Variants in ANKRD55 observed in about 807,000 individuals in gnomAD.
The protein encoded by ANKRD55 is ankyrin repeat domain 55.
ANKRD55 carries 41 observed loss-of-function variants against 60.6 expected under a neutral mutation model. The observed-to-expected ratio is 0.68, with a 90% CI of 0.53 to 0.88. ANKRD55 has a LOEUF of 0.88. Among genes scored for constraint, ANKRD55 ranks in the 40% least tolerant of loss-of-function variants. The pLI is 0.00. For missense variants in ANKRD55, 732 were observed against 767.6 expected (o/e 0.95, Z 0.55); for synonymous variants, 264 against 290.3 (o/e 0.91, Z 0.92).
chr5:56,199,496 T>A (rs1436138235), intron 2 of ANKRD55, among the ~76,000 whole-genome samples: 9 of 152,132 alleles, frequency 5.9e-5, no homozygotes, highest in African/African-American at 2.2e-4. Flanking sequence ...CAGAAAAATG[T>A]ATTTTTAAAT....
chr5:56,154,425 GC>G (rs1758141432), intron 6 of ANKRD55, among the ~76,000 whole-genome samples: 1 of 152,078 alleles, frequency 6.6e-6, no homozygotes, highest in Non-Finnish European at 1.5e-5. Flanking sequence ...GAAAGCCTGG[GC>G]TGTGTTCTTT....
intron 10 of ANKRD55, among the ~76,000 whole-genome samples, chr5:56,108,917 A>G (rs1580937581): frequency 6.6e-6 from 1 of 152,100 alleles, no homozygotes; most frequent in Non-Finnish European, 1.5e-5. Flanking sequence ...CATGCCTGTA[A>G]TCCCAGCTAC....
intron 8 of ANKRD55, among the ~76,000 whole-genome samples, chr5:56,124,558 A>G (rs968951457): frequency 2.0e-5 from 3 of 152,072 alleles, no homozygotes; most frequent in African/African-American, 7.3e-5. Context: ...TCCAGGCTGG[A>G]GTGCAGTGGC....
chr5:56,147,245 T>G (rs1251570313), intron 6 of ANKRD55, among the ~76,000 whole-genome samples: 1 of 152,132 alleles, frequency 6.6e-6, no homozygotes, highest in African/African-American at 2.4e-5. Context: ...ATTGACTGAG[T>G]CCATGGTAGA....
intron 6 of ANKRD55, among the ~76,000 whole-genome samples, chr5:56,149,377 T>TA (rs1561270520): frequency 1.3e-5 from 2 of 152,194 alleles, no homozygotes; most frequent in East Asian, 1.9e-4. Context: ...CTGACATTTT[T>TA]AAAAAAAGAC....
At chr5:56,157,942 G>A (rs1359754908) in intron 6 of ANKRD55, among the ~76,000 whole-genome samples, 1 of 152,106 alleles carries the variant, frequency 6.6e-6, no homozygotes, top group Non-Finnish European at 1.5e-5. Flanking sequence ...ACGTTCACAG[G>A]TATGGAGGGG....
chr5:56,147,825 G>A (rs6886578), intron 6 of ANKRD55, among the ~76,000 whole-genome samples: 2,131 of 152,166 alleles, frequency 0.014, 53 homozygotes, highest in African/African-American at 0.048. Context: ...CAAAGGCAGC[G>A]GTTGGTATTG....
chr5:56,148,032 G>A (rs16884863), intron 6 of ANKRD55, among the ~76,000 whole-genome samples: 1,674 of 152,300 alleles, frequency 0.011, 38 homozygotes, highest in African/African-American at 0.038. Context: ...AAGCTGTGAT[G>A]CACATAAAGG....
chr5:56,126,951 A>T lies in ANKRD55; in HGVS notation c.768T>A (p.Cys256Ter). The change falls in exon 8 of 12, where the codon TGT (cysteine) becomes TGA (stop). Residue 256 changes from cysteine (C) to a stop codon, truncating the protein, a stop_gained. Transcript: ENST00000341048. LOFTEE classifies it high-confidence loss of function. Reference sequence around the variant, plus strand: ...CATCCACATCCAGAGCCTGCAGGTTACACTCAGGGACTCTTGCCAGCTCAT... The same window carrying T: ...CATCCACATCCAGAGCCTGCAGGTTTCACTCAGGGACTCTTGCCAGCTCAT... ...IIHELARVPE[C>*]NLQALDVDDR... 5 of 1,613,106 alleles carry T rather than the reference A, an allele frequency of 3.1e-6. No individual in the cohort carries two copies. Among genetic ancestry groups the T allele is most frequent in the Non-Finnish European group, 4.2e-6 (5 of 1,179,390 alleles).
chr5:56,224,580 T>A (rs1760057387), intron 2 of ANKRD55, among the ~76,000 whole-genome samples: 1 of 152,070 alleles, frequency 6.6e-6, no homozygotes, highest in African/African-American at 2.4e-5. Context: ...ACAAAATTGA[T>A]AGACCACTAG....
chr5:56,100,768 C>T (rs1418828666), intron 11 of ANKRD55, among the ~76,000 whole-genome samples: 2 of 152,304 alleles, frequency 1.3e-5, no homozygotes, highest in East Asian at 3.9e-4. Context: ...CTTTCCTTCT[C>T]TCCTGAAACT....
chr5:56,193,388 C>T (rs1244123568), intron 2 of ANKRD55: 1 of 665,172 alleles, frequency 1.5e-6, no homozygotes, highest in Non-Finnish European at 2.6e-6. Flanking sequence ...GGTTATCTAC[C>T]TAGAACCTTT....
chr5:56,110,739 G>A (rs1756664080), intron 10 of ANKRD55: 1 of 234,454 alleles, frequency 4.3e-6, no homozygotes, highest in East Asian at 1.0e-4. Context: ...GGTCTGGGGT[G>A]GAGATTGAAT....
At chr5:56,131,031 C>T (rs1414697267) in intron 7 of ANKRD55, among the ~76,000 whole-genome samples, 2 of 151,626 alleles carry the variant, frequency 1.3e-5, no homozygotes, top group South Asian at 2.1e-4. Context: ...ATAGGAATAC[C>T]AGAAGGAGAA....
chr5:56,102,390 C>CA (rs36060683), intron 11 of ANKRD55, 104 bp downstream of exon 11: 34,835 of 661,280 alleles, frequency 0.053, 1 homozygote, highest in East Asian at 0.066. Flanking sequence ...GACTCCATCT[C>CA]AAAAAAAAAA....
At chr5:56,137,061 A>G in intron 7 of ANKRD55, 2 of 815,156 alleles carry the variant, frequency 2.5e-6, no homozygotes, top group East Asian at 4.9e-5. Flanking sequence ...CACTTTACGA[A>G]CACTTGTGAA....
In ANKRD55 at chr5:56,166,215, C is replaced by CTCTT. The variant is rs1216590662; in HGVS notation, c.422+4475_422+4478dup. On this transcript the variant is annotated intron_variant, in intron 5 of 11. Transcript: ENST00000341048. ...CTTCCTTCCTTCTCTCTCTCTCTCTCTCTTTCTTTCTTTCTTTCTCTCTAT... is the reference window on the plus strand; with the variant it reads ...CTTCCTTCCTTCTCTCTCTCTCTCTCTCTTTCTTTCTTTCTTTCTTTCTCTCTAT... Among the ~76,000 whole-genome samples the CTCTT allele has an allele frequency of 3.3e-3, 423 of 129,524 alleles. 6 individuals carry two copies. The highest frequency in any genetic ancestry group is 5.3e-3 in the Non-Finnish European group (336 of 63,514). 85.0% of individuals were successfully genotyped at this position (129,524 alleles called of 152,430 possible).
At chr5:56,163,072 A>G (rs918121627) in intron 5 of ANKRD55, among the ~76,000 whole-genome samples, 4 of 152,106 alleles carry the variant, frequency 2.6e-5, no homozygotes, top group African/African-American at 9.7e-5. Context: ...GTGATGATCT[A>G]TGTGGCCCAA....
chr5:56,232,797 T>A, intron 2 of ANKRD55, 59 bp downstream of exon 2: 1 of 1,524,662 alleles, frequency 6.6e-7, no homozygotes, highest in African/African-American at 1.4e-5. Flanking sequence ...CAACTGTAAA[T>A]CCATACCATG....
Sources: allele counts gnomAD v4.1 joint callset (sites outside exome capture counted in the v4.1 genomes callset), GRCh38; gene constraint gnomAD v4.1.1; transcripts MANE v1.5; gene names NCBI Gene and HGNC (gene_info 2026-07-23, HGNC 2026-07-21).